Variants in RABGAP1L observed in about 807,000 individuals in gnomAD.
The protein encoded by RABGAP1L is RAB GTPase activating protein 1 like.
Under a neutral mutation model 137.7 loss-of-function variants are expected in RABGAP1L, and 63 were observed. That is an observed-to-expected ratio of 0.46 (90% confidence interval 0.37 to 0.56). The LOEUF (loss-of-function observed/expected upper bound fraction) is 0.56, where lower values mean the gene tolerates loss of function less well. Among genes scored for constraint, RABGAP1L ranks in the 20% least tolerant of loss-of-function variants. RABGAP1L has a pLI of 0.00. For missense variants in RABGAP1L, 1,095 were observed against 1,244.0 expected (o/e 0.88, Z 1.80); for synonymous variants, 431 against 433.7 (o/e 0.99, Z 0.08).
At chr1:174,659,565 T>C (rs961345939) in intron 14 of RABGAP1L, among the ~76,000 whole-genome samples, 4 of 152,192 alleles carry the variant, frequency 2.6e-5, no homozygotes, top group African/African-American at 9.7e-5. Flanking sequence ...CATTTCAGTC[T>C]TTGGACATCT....
intron 17 of RABGAP1L, among the ~76,000 whole-genome samples, chr1:174,734,814 T>G (rs1682793918): frequency 6.6e-6 from 1 of 152,150 alleles, no homozygotes; most frequent in Admixed American, 6.5e-5. Context: ...ATACAAATAA[T>G]TTTTGCTTAT....
At chr1:174,371,765 G>A (rs750059739) in intron 12 of RABGAP1L, among the ~76,000 whole-genome samples, 4 of 151,944 alleles carry the variant, frequency 2.6e-5, no homozygotes, top group Non-Finnish European at 4.4e-5. Flanking sequence ...ACATGCATGC[G>A]GGTAGTCCAG....
Position 174,487,929 on chromosome 1 carries a change from C to T in RABGAP1L, c.1710+93784C>T, listed in dbSNP as rs536934379. Among the ~76,000 whole-genome samples, 7 of 152,236 alleles carry T rather than the reference C, an allele frequency of 4.6e-5. No individual in the cohort carries two copies. The East Asian group carries it at 7.7e-4, about 17-fold the overall frequency. The stretch of plus-strand genomic sequence containing the variant: ...TGAAAACTCTACATGTTAACTTCAT[C>T]CCCCAGATAGTTAATCTTTTGTTGC... On this transcript the variant is annotated intron_variant, in intron 13 of 25. Coordinates refer to ENST00000681986, the MANE Select transcript of RABGAP1L (RefSeq NM_001366446.1).
chr1:174,616,955 T>G (rs1258128875), intron 13 of RABGAP1L, among the ~76,000 whole-genome samples: 3 of 152,100 alleles, frequency 2.0e-5, no homozygotes, highest in Admixed American at 6.5e-5. Context: ...AGAGATAAAA[T>G]AAATGGTAGT....
chr1:174,588,317 C>T lies in RABGAP1L; in HGVS notation c.1711-49058C>T, dbSNP rs143562445. Among the ~76,000 whole-genome samples, 1,369 of 152,164 alleles carry T rather than the reference C, an allele frequency of 9.0e-3. 25 individuals carry two copies. Among genetic ancestry groups the T allele is most frequent in the African/African-American group, 0.032 (1,320 of 41,510 alleles). On this transcript the variant is annotated intron_variant, in intron 13 of 25. Coordinates refer to ENST00000681986, the MANE Select transcript of RABGAP1L (RefSeq NM_001366446.1). ...TAGCCAAGATTACAGGCATGCACCA[C>T]CATGCCTGGCTAAATTTTGTATTTT... is the stretch of plus-strand genomic sequence containing the variant.
chr1:174,366,966 T>A (rs1247964552), intron 11 of RABGAP1L: 7 of 152,140 alleles, frequency 4.6e-5, no homozygotes, highest in African/African-American at 1.7e-4. Context: ...TCCTTTTTTT[T>A]AAACCTTGAA....
In RABGAP1L at chr1:174,803,003, A is replaced by G. The variant is rs147625078; in HGVS notation, c.2212-8829A>G. ...CTTTTTAGTCATGTTTCAAACATGA[A>G]TGCTTGTGGGTTAAGCACATACAAG... is the stretch of plus-strand genomic sequence containing the variant. On this transcript the variant is annotated intron_variant, in intron 18 of 25. Transcript: ENST00000681986. Among the ~76,000 whole-genome samples, 138 of 152,358 alleles carry G rather than the reference A, an allele frequency of 9.1e-4. 1 individual carries two copies. In the East Asian group the frequency reaches 0.021, roughly 23 times the overall value.
At chr1:174,735,751 A>C (rs1682886848) in intron 17 of RABGAP1L, among the ~76,000 whole-genome samples, 2 of 152,040 alleles carry the variant, frequency 1.3e-5, no homozygotes, top group Non-Finnish European at 2.9e-5. Flanking sequence ...GGGCCACAGG[A>C]AAGTTTCAAT....
chr1:174,502,330 C>T (rs976785324), intron 13 of RABGAP1L, among the ~76,000 whole-genome samples: 2 of 151,398 alleles, frequency 1.3e-5, no homozygotes, highest in African/African-American at 4.8e-5. Flanking sequence ...AAAGAGCTGG[C>T]CAGGTCACTA....
intron 15 of RABGAP1L, among the ~76,000 whole-genome samples, chr1:174,684,820 C>A (rs768882002): frequency 6.6e-6 from 1 of 152,036 alleles, no homozygotes; most frequent in Non-Finnish European, 1.5e-5. Context: ...CTACCACACA[C>A]ACAAAAGGTA....
In RABGAP1L at chr1:174,741,744, C is replaced by G. The variant is rs373775983; in HGVS notation, c.2170-10569C>G. On this transcript the variant is annotated intron_variant, in intron 17 of 25. Coordinates refer to ENST00000681986, the MANE Select transcript of RABGAP1L (RefSeq NM_001366446.1). ...TTATTTCTGAGTTCTCTGTTTTGTT[C>G]TACTGGTCTATGTGGCTACTTTTAT... is the stretch of plus-strand genomic sequence containing the variant. 2.8e-5 allele frequency among the ~76,000 whole-genome samples: 4 copies of G among 143,234 alleles called. 1 individual carries two copies. 94.0% of individuals were successfully genotyped at this position (143,234 alleles called of 152,430 possible). A position where few individuals can be genotyped will look rare whatever the true frequency, so the allele number is the denominator to read the frequency against.
chr1:174,649,550 G>A (rs1379757517), intron 14 of RABGAP1L, among the ~76,000 whole-genome samples: 4 of 152,046 alleles, frequency 2.6e-5, no homozygotes, highest in African/African-American at 7.3e-5. Context: ...TGGCTTGTAG[G>A]GTTTCCTCAG....
chr1:174,181,088 C>G (rs991700507), intron 1 of RABGAP1L, among the ~76,000 whole-genome samples: 10 of 152,088 alleles, frequency 6.6e-5, no homozygotes. Context: ...CTATTAGGTT[C>G]TTTTTTGCTA....
At chr1:174,299,689 A>G (rs1348820275) in intron 10 of RABGAP1L, among the ~76,000 whole-genome samples, 1 of 152,240 alleles carries the variant, frequency 6.6e-6, no homozygotes, top group Non-Finnish European at 1.5e-5. Flanking sequence ...CAAAGCAAGG[A>G]TCAGCAGTAT....
intron 14 of RABGAP1L, among the ~76,000 whole-genome samples, chr1:174,643,941 GTATGTA>G (rs756950567): frequency 2.0e-5 from 2 of 102,288 alleles, no homozygotes; most frequent in East Asian, 2.2e-4. Flanking sequence ...GTGTGTGTGT[GTATGTA>G]TGTATGTATG....
At chr1:174,959,767 A>G (rs1475331273) in intron 20 of RABGAP1L, among the ~76,000 whole-genome samples, 1 of 152,144 alleles carries the variant, frequency 6.6e-6, no homozygotes, top group African/African-American at 2.4e-5. Flanking sequence ...GTGAATTTAT[A>G]GTTCTTAGAT....
At chr1:174,885,830 G>C (rs1393016883) in intron 19 of RABGAP1L, among the ~76,000 whole-genome samples, 1 of 151,888 alleles carries the variant, frequency 6.6e-6, no homozygotes, top group African/African-American at 2.4e-5. Flanking sequence ...AGCCGGGCAT[G>C]GTGGCGGGCG....
At position 174,505,421 on chromosome 1, in the gene RABGAP1L, G is replaced by A. The variant is rs915390161; in HGVS notation, c.1710+111276G>A. On this transcript the variant is annotated intron_variant, in intron 13 of 25. Coordinates refer to ENST00000681986, the MANE Select transcript of RABGAP1L (RefSeq NM_001366446.1). ...AACTTTATTCCCAAAACATTATATC[G>A]GTACATATTTTAAAATCTAGCAAAC... Among the ~76,000 whole-genome samples, 6 of 151,144 alleles carry A rather than the reference G, an allele frequency of 4.0e-5. No individual in the cohort carries two copies. The East Asian group carries it at 5.8e-4, about 15-fold the overall frequency.
chr1:174,919,717 C>A (rs779844243), intron 19 of RABGAP1L, among the ~76,000 whole-genome samples: 28 of 151,964 alleles, frequency 1.8e-4, no homozygotes, highest in Non-Finnish European at 4.0e-4. Flanking sequence ...ATTATCTGGG[C>A]ACAGTGGTTA....
Sources: gnomAD v4.1 joint callset for allele counts (sites outside exome capture counted in the v4.1 genomes callset) on GRCh38, gnomAD v4.1.1 for gene constraint, MANE v1.5 for transcripts, NCBI Gene and HGNC (gene_info 2026-07-23, HGNC 2026-07-21) for gene names.